The following NPAS3 variants were observed in gnomAD, a reference collection of about 807,000 sequenced individuals.
The protein encoded by NPAS3 is neuronal PAS domain protein 3, also known as neuronal PAS domain-containing protein 3.
Under a neutral mutation model 73.1 loss-of-function variants are expected in NPAS3, and 14 were observed. That is an observed-to-expected ratio of 0.19 (90% CI 0.13 to 0.30). The LOEUF (loss-of-function observed/expected upper bound fraction) is 0.30. Among genes scored for constraint, NPAS3 ranks in the 10% least tolerant of loss-of-function variants. The pLI, the probability that NPAS3 is intolerant of heterozygous loss-of-function variation, is 1.00. For missense variants in NPAS3, 1,096 were observed against 1,250.0 expected (o/e 0.88, Z 1.86); for synonymous variants, 620 against 541.5 (o/e 1.14, Z -2.01).
intron 1 of NPAS3, among the ~76,000 whole-genome samples, chr14:33,037,495 GAAAAAAGA>G (rs1456901909): frequency 1.6e-4 from 23 of 148,354 alleles, no homozygotes; most frequent in African/African-American, 5.3e-4. Flanking sequence ...AAAAAAAAAA[GAAAAAAGA>G]AAAAAAGAAA....
At chr14:32,934,792 G>C (rs1215274163), upstream of NPAS3, 3 of 225,076 alleles carry the variant, frequency 1.3e-5, no homozygotes, top group Non-Finnish European at 1.5e-5. The surrounding 1 kb of genome is among the most constrained non-coding windows in gnomAD (Gnocchi z 4.1). Context: ...CCGAGCCCGA[G>C]CCCCCGCCAG....
chr14:33,079,545 TA>T (rs1257878708), intron 2 of NPAS3, among the ~76,000 whole-genome samples: 20 of 144,264 alleles, frequency 1.4e-4, no homozygotes, highest in Admixed American at 1.3e-3. Context: ...CTTGAACTCC[TA>T]ACCTCCAGTA....
At chr14:33,172,973 A>G (rs1461112409) in intron 2 of NPAS3, among the ~76,000 whole-genome samples, 1 of 151,986 alleles carries the variant, frequency 6.6e-6, no homozygotes, top group African/African-American at 2.4e-5. Flanking sequence ...CCTAACAGAT[A>G]GGAACATATT....
intron 2 of NPAS3, among the ~76,000 whole-genome samples, chr14:33,135,649 T>C (rs915480855): frequency 6.6e-6 from 1 of 152,148 alleles, no homozygotes; most frequent in African/African-American, 2.4e-5. Context: ...ATTACAAATA[T>C]AGCAGTCTGA....
At chr14:33,260,767 C>G (rs558270188) in intron 3 of NPAS3, among the ~76,000 whole-genome samples, 2 of 152,286 alleles carry the variant, frequency 1.3e-5, no homozygotes, top group East Asian at 3.9e-4. Flanking sequence ...GTCCCTCTTA[C>G]AATCTGTATA....
At chr14:33,620,134 G>C (rs2058035827) in intron 5 of NPAS3, among the ~76,000 whole-genome samples, 2 of 152,196 alleles carry the variant, frequency 1.3e-5, no homozygotes, top group Non-Finnish European at 2.9e-5. Flanking sequence ...CCATGCTCCT[G>C]TGGTGATGAT....
chr14:33,160,581 G>A (rs1009732374), intron 2 of NPAS3, among the ~76,000 whole-genome samples: 1 of 150,580 alleles, frequency 6.6e-6, no homozygotes, highest in Non-Finnish European at 1.5e-5. Context: ...CATGGCACAT[G>A]TATACATATG....
intron 3 of NPAS3, 82 bp from the exon 4 acceptor site, chr14:33,367,104 C>T (rs2045876997): frequency 1.5e-6 from 1 of 661,656 alleles, no homozygotes. Flanking sequence ...TCAATGATGC[C>T]ATTCAAGAGA....
chr14:33,774,010 CAT>C (rs1300887776), intron 7 of NPAS3, among the ~76,000 whole-genome samples: 6 of 152,250 alleles, frequency 3.9e-5, no homozygotes, highest in South Asian at 2.1e-4. Flanking sequence ...TAATAATGCA[CAT>C]GTTTCCTTTT....
intron 5 of NPAS3, among the ~76,000 whole-genome samples, chr14:33,625,867 G>A (rs2058205416): frequency 6.6e-6 from 1 of 152,092 alleles, no homozygotes; most frequent in African/African-American, 2.4e-5. Context: ...AAAGTGAAAG[G>A]CTATTGGAAT....
chr14:33,744,375 C>T (rs968337831), intron 7 of NPAS3, among the ~76,000 whole-genome samples: 1 of 152,180 alleles, frequency 6.6e-6, no homozygotes, highest in South Asian at 2.1e-4. Flanking sequence ...TCAGAACACA[C>T]ACAACATTTA....
rs561196645 is a variant in NPAS3 at position 32,948,053 on chromosome 14, A to G, written c.50+8687A>G. ...TAGAAACGTGAGGATTCCTCTACTG[A>G]TTAAAGTGCTCTTCATTTAAACAGT... On this transcript the variant is annotated intron_variant, in intron 1 of 11. Coordinates refer to ENST00000356141, the Ensembl canonical transcript of NPAS3. 7.9e-5 allele frequency among the ~76,000 whole-genome samples: 12 copies of G among 152,228 alleles called. No individual in the cohort carries two copies. The South Asian group carries it at 2.1e-3, about 26-fold the overall frequency.
chr14:33,438,427 GA>G (rs1400140178), intron 4 of NPAS3, among the ~76,000 whole-genome samples: 4 of 152,132 alleles, frequency 2.6e-5, no homozygotes, highest in Admixed American at 6.5e-5. Flanking sequence ...AGCACAGGGG[GA>G]AAAAAAGACA....
In NPAS3 at chr14:33,335,039, TGTGC is replaced by T. The variant is rs749511182; in HGVS notation, c.386-32143_386-32140del. Among the ~76,000 whole-genome samples, 250 of 143,700 alleles carry T rather than the reference TGTGC, an allele frequency of 1.7e-3. 1 individual carries two copies. The highest frequency in any genetic ancestry group is 6.4e-3 in the African/African-American group (235 of 36,642). The allele number at this position is 143,700 out of a possible 152,430, so 94.3% of individuals were successfully genotyped here. ...GCTTAGTGGTATTCCATTGTGTGTGTGTGCGTGTGTGTGTGTGTGTGTGTGTGTG... is the reference window on the plus strand; with the variant it reads ...GCTTAGTGGTATTCCATTGTGTGTGTGTGTGTGTGTGTGTGTGTGTGTGTG... On this transcript the variant is annotated intron_variant, in intron 3 of 11. Coordinates refer to ENST00000356141, the Ensembl canonical transcript of NPAS3.
intron 2 of NPAS3, among the ~76,000 whole-genome samples, chr14:33,132,325 G>A (rs926245584): frequency 1.3e-5 from 2 of 152,178 alleles, no homozygotes; most frequent in African/African-American, 4.8e-5. Flanking sequence ...GACAAACTTA[G>A]GGAGGCAAGG....
At chr14:33,362,681 T>C (rs1453812858) in intron 3 of NPAS3, among the ~76,000 whole-genome samples, 1 of 152,028 alleles carries the variant, frequency 6.6e-6, no homozygotes, top group Non-Finnish European at 1.5e-5. Flanking sequence ...CTATCAGGGG[T>C]TACCGGGCAT....
At chr14:33,285,387 AATAGACAGC>A (rs2041831803) in intron 3 of NPAS3, among the ~76,000 whole-genome samples, 1 of 152,176 alleles carries the variant, frequency 6.6e-6, no homozygotes, top group Admixed American at 6.6e-5. Flanking sequence ...TGACCTGGAG[AATAGACAGC>A]ATACTCCGTA....
At chr14:33,482,121 G>GA (rs1362250671) in intron 4 of NPAS3, among the ~76,000 whole-genome samples, 3 of 148,924 alleles carry the variant, frequency 2.0e-5, no homozygotes, top group Non-Finnish European at 4.4e-5. Context: ...ATTATTCCCA[G>GA]AAAACGAAAG....
At chr14:33,735,871 T>C (rs955761120) in intron 7 of NPAS3, among the ~76,000 whole-genome samples, 13 of 151,982 alleles carry the variant, frequency 8.6e-5, no homozygotes, top group Admixed American at 8.5e-4. Flanking sequence ...CATAGAATAC[T>C]CGATATACGT....
Sources: allele counts gnomAD v4.1 joint callset (sites outside exome capture counted in the v4.1 genomes callset), GRCh38; gene constraint gnomAD v4.1.1; non-coding constraint Gnocchi (gnomAD v3.1); transcripts MANE v1.5; gene names NCBI Gene and HGNC (gene_info 2026-07-23, HGNC 2026-07-21).